ALPK1: variants seen among roughly 807,000 people sequenced by gnomAD.
ALPK1 encodes alpha-protein kinase 1.
ALPK1 carries 110 observed loss-of-function variants against 120.6 expected under a neutral mutation model. That is an observed-to-expected ratio of 0.91 (90% CI 0.78 to 1.07). The LOEUF (loss-of-function observed/expected upper bound fraction) is 1.07. Among genes scored for constraint, ALPK1 ranks in the 50% least tolerant of loss-of-function variants. The pLI, the probability that ALPK1 is intolerant of heterozygous loss-of-function variation, is 0.00. For missense variants in ALPK1, 1,498 were observed against 1,483.9 expected (o/e 1.01, Z -0.16); for synonymous variants, 582 against 560.3 (o/e 1.04, Z -0.55).
chr4:112,312,507 C>T (rs1172626600), intron 1 of ALPK1, among the ~76,000 whole-genome samples: 1 of 152,210 alleles, frequency 6.6e-6, no homozygotes, highest in Non-Finnish European at 1.5e-5. Flanking sequence ...CTCCTAACCT[C>T]TTCATCCGCC....
intron 4 of ALPK1, among the ~76,000 whole-genome samples, chr4:112,385,043 C>G (rs927458372): frequency 2.0e-5 from 3 of 152,128 alleles, no homozygotes; most frequent in African/African-American, 7.2e-5. Context: ...TTGGGCTTAG[C>G]AGGTTTCTCT....
chr4:112,309,849 C>T (rs1339503439), intron 1 of ALPK1, among the ~76,000 whole-genome samples: 1 of 152,068 alleles, frequency 6.6e-6, no homozygotes, highest in Non-Finnish European at 1.5e-5. Flanking sequence ...GCATCACTAC[C>T]CCTGGGAAGA....
At chr4:112,355,780 G>C (rs1730577076) in intron 2 of ALPK1, among the ~76,000 whole-genome samples, 1 of 152,240 alleles carries the variant, frequency 6.6e-6, no homozygotes, top group African/African-American at 2.4e-5. Context: ...TTTCCTCCTG[G>C]AGCACAAAGC....
intron 1 of ALPK1, among the ~76,000 whole-genome samples, chr4:112,306,995 C>T (rs1257541357): frequency 6.6e-6 from 1 of 152,112 alleles, no homozygotes; most frequent in East Asian, 1.9e-4. Context: ...TATCTGCCTT[C>T]ATTTCATTAT....
chr4:112,300,059 T>A (rs555265644), intron 1 of ALPK1, among the ~76,000 whole-genome samples: 5 of 152,182 alleles, frequency 3.3e-5, no homozygotes, highest in East Asian at 1.9e-4. Context: ...AAGGGAAAAA[T>A]TCGCAAACAT....
chr4:112,300,613 C>T (rs1190434120), intron 1 of ALPK1, among the ~76,000 whole-genome samples: 1 of 151,670 alleles, frequency 6.6e-6, no homozygotes, highest in South Asian at 2.1e-4. Flanking sequence ...AGTTGAAACA[C>T]TTACTATTGG....
chr4:112,323,635 T>C (rs577104485), intron 2 of ALPK1, among the ~76,000 whole-genome samples: 10 of 152,310 alleles, frequency 6.6e-5, no homozygotes, highest in African/African-American at 2.4e-4. Flanking sequence ...AAAGTTGCCA[T>C]TTTTGCCTTT....
chr4:112,378,674 C>A (rs1436482195), intron 3 of ALPK1, among the ~76,000 whole-genome samples: 1 of 151,820 alleles, frequency 6.6e-6, no homozygotes, highest in African/African-American at 2.4e-5. Flanking sequence ...TAATATTTTT[C>A]TCAGTATTTT....
chr4:112,345,193 C>T (rs1237705479), intron 2 of ALPK1, among the ~76,000 whole-genome samples: 1 of 152,194 alleles, frequency 6.6e-6, no homozygotes, highest in Non-Finnish European at 1.5e-5. Flanking sequence ...ATAGACAGTG[C>T]TCATTTACCC....
chr4:112,356,588 G>GGA, intron 2 of ALPK1: 1 of 785,190 alleles, frequency 1.3e-6, no homozygotes, highest in East Asian at 3.0e-5. Context: ...TGAAGAAGCA[G>GGA]GAGAGTAACC....
chr4:112,357,924 G>A, intron 2 of ALPK1: 1 of 925,946 alleles, frequency 1.1e-6, no homozygotes, highest in Non-Finnish European at 1.8e-6. Flanking sequence ...CTGAGACCAT[G>A]GGTGCTTACT....
rs536133687 is a variant in ALPK1 at position 112,351,994 on chromosome 4, C to T, written c.-100-25684C>T. Reference sequence around the variant, plus strand: ...TTCTTTTACTCACTTGTCCATCCAGCAATTCCAAATCCTATTCCCTCTAGA... The same window carrying T: ...TTCTTTTACTCACTTGTCCATCCAGTAATTCCAAATCCTATTCCCTCTAGA... On this transcript the variant is annotated intron_variant, in intron 2 of 15. Coordinates refer to ENST00000650871, the MANE Select transcript of ALPK1 (RefSeq NM_025144.4). 2.6e-5 allele frequency among the ~76,000 whole-genome samples: 4 copies of T among 152,310 alleles called. No homozygotes were observed. In the South Asian group the frequency reaches 8.3e-4, roughly 32 times the overall value.
chr4:112,309,989 C>A (rs1476946591), intron 1 of ALPK1, among the ~76,000 whole-genome samples: 1 of 152,032 alleles, frequency 6.6e-6, no homozygotes, highest in Non-Finnish European at 1.5e-5. Context: ...ATTTCTTCAT[C>A]TCTGTACACA....
chr4:112,356,958 A>G, intron 2 of ALPK1: 2 of 765,314 alleles, frequency 2.6e-6, no homozygotes, highest in South Asian at 2.7e-5. Context: ...TCGGGACTGG[A>G]CGTCATAGAC....
chr4:112,366,906 A>G (rs1156938949), intron 2 of ALPK1, among the ~76,000 whole-genome samples: 1 of 152,226 alleles, frequency 6.6e-6, no homozygotes, highest in South Asian at 2.1e-4. Flanking sequence ...AGCAACCTGG[A>G]TGGAATTAAA....
rs533571084 is a variant in ALPK1, at chr4:112,362,417, CA to C, written c.-100-15260del. Among the ~76,000 whole-genome samples the C allele has an allele frequency of 1.5e-4, 23 of 152,238 alleles. No individual in the cohort carries two copies. The East Asian group carries it at 4.4e-3, about 29-fold the overall frequency. On this transcript the variant is annotated intron_variant, in intron 2 of 15. Coordinates refer to ENST00000650871, the MANE Select transcript of ALPK1 (RefSeq NM_025144.4). ...AACCACAACTTCTGGAAATCAAGGA[CA>C]CACTTAGAGAAATGTAAAATGCACT...
At chr4:112,310,828 G>A (rs1364808729) in intron 1 of ALPK1, among the ~76,000 whole-genome samples, 2 of 151,990 alleles carry the variant, frequency 1.3e-5, no homozygotes, top group Non-Finnish European at 2.9e-5. Context: ...ACAAACAGTA[G>A]CCATTATTAA....
intron 2 of ALPK1, among the ~76,000 whole-genome samples, chr4:112,346,184 T>C (rs1036430077): frequency 6.6e-6 from 1 of 152,220 alleles, no homozygotes; most frequent in Non-Finnish European, 1.5e-5. Context: ...TTTTTAAATA[T>C]AACCACACTA....
chr4:112,415,875 T>C (rs957740126), intron 5 of ALPK1, among the ~76,000 whole-genome samples: 1 of 152,074 alleles, frequency 6.6e-6, no homozygotes, highest in African/African-American at 2.4e-5. Context: ...ACTGCTTCAA[T>C]GGGGTGAATG....
Sources: allele counts gnomAD v4.1 joint callset (sites outside exome capture counted in the v4.1 genomes callset), GRCh38; gene constraint gnomAD v4.1.1; transcripts MANE v1.5; gene names NCBI Gene and HGNC (gene_info 2026-07-23, HGNC 2026-07-21).